KIAA1191: variants seen among roughly 807,000 people sequenced by gnomAD.
KIAA1191 encodes KIAA1191, also known as putative monooxygenase p33MONOX.
In KIAA1191, 22 loss-of-function variants were observed where a neutral mutation model predicts 31.1. That is an observed-to-expected ratio of 0.71 (90% CI 0.51 to 1.01). The LOEUF (loss-of-function observed/expected upper bound fraction) is 1.01, where lower values mean the gene tolerates loss of function less well. Among genes scored for constraint, KIAA1191 ranks in the 50% least tolerant of loss-of-function variants. The probability of loss-of-function intolerance (pLI) is 0.00; values close to 1 mark genes in which losing one functional copy is unlikely to be tolerated. For missense variants in KIAA1191, 319 were observed against 388.0 expected, an observed-to-expected ratio of 0.82 and a Z score of 1.49; for synonymous variants, 130 against 143.9, an observed-to-expected ratio of 0.90 and a Z score of 0.69.
Position 176,348,254 on chromosome 5 carries a change from G to A in KIAA1191, c.562C>T (p.Pro188Ser), listed in dbSNP as rs1766691687. 3 of 1,613,436 alleles carry A rather than the reference G, an allele frequency of 1.9e-6. No individual in the cohort carries two copies. Among genetic ancestry groups the A allele is most frequent in the African/African-American group, 1.3e-5 (1 of 74,814 alleles). ...TTPHSSPKQR[P>S]RGWFTSGSST... ...AGGGTCACAGGAAGGGCTCACCTGG[G>A]CCTCTGCTTAGGTGAAGAGTGCGGA... The change falls in exon 7 of 9, where the codon CCC becomes TCC. Residue 188 changes from proline to serine, a missense_variant. Pro to Ser is a moderately conservative substitution (Grantham distance 74). Coordinates refer to ENST00000298569, the MANE Select transcript of KIAA1191 (RefSeq NM_020444.5).
At chr5:176,360,300 G>A (rs1767886081) in intron 1 of KIAA1191, among the ~76,000 whole-genome samples, 1 of 151,800 alleles carries the variant, frequency 6.6e-6, no homozygotes. Flanking sequence ...GGGACTACAG[G>A]CGTCTGCCAC....
Position 176,350,675 on chromosome 5 carries a change from T to C in KIAA1191, c.397A>G (p.Thr133Ala). Residue 133 changes from threonine to alanine, a missense_variant, in exon 6 of 9, where the codon ACA becomes GCA. By Grantham distance (58) the Thr-to-Ala change is moderately conservative (BLOSUM62 0). Transcript: ENST00000298569. ...RQAGLRDAGY[T>A]PHKGLTTEET... is the part of the protein sequence containing the mutation. ...TCGGTGGTGAGGCCCTTGTGGGGTG[T>C]GTAGCCAGCATCTCTCAGCCCTGCC... 5.6e-6 allele frequency: 9 copies of C among 1,614,094 alleles called. No homozygotes were observed. Among genetic ancestry groups the C allele is most frequent in the Non-Finnish European group, 7.6e-6 (9 of 1,180,016 alleles).
At position 176,352,557 on chromosome 5, in the gene KIAA1191, T is replaced by C. The variant is rs1258998436; in HGVS notation, c.334+65A>G. ...TGTTGCAGTATCATCTCCAATCAGC[T>C]TGTAGGAAGCCTCAACTCTTCCCTG... is the stretch of plus-strand genomic sequence containing the variant. On this transcript the variant is annotated intron_variant, in intron 5 of 8. Coordinates refer to ENST00000298569, the MANE Select transcript of KIAA1191 (RefSeq NM_020444.5). 5.1e-6 allele frequency: 8 copies of C among 1,570,056 alleles called. No individual in the cohort carries two copies. In the Admixed American group the frequency reaches 8.8e-5, roughly 17 times the overall value.
At position 176,355,306 on chromosome 5, in the gene KIAA1191, G is replaced by A. The variant is rs1201459470; in HGVS notation, c.207+265C>T. Among the ~76,000 whole-genome samples, 3 of 151,782 alleles carry A rather than the reference G, an allele frequency of 2.0e-5. No homozygotes were observed. The East Asian group carries it at 5.8e-4, about 29-fold the overall frequency. ...ACTGTACACTATTCGGGTGACGGGTGCACTAAAAGCCCAGACTTCACCACT... is the reference window on the plus strand; with the variant it reads ...ACTGTACACTATTCGGGTGACGGGTACACTAAAAGCCCAGACTTCACCACT... On this transcript the variant is annotated intron_variant, in intron 4 of 8. Transcript: ENST00000298569. This position sits in a 1 kb window ranked among gnomAD's most constrained non-coding sequence, Gnocchi z 4.2.
intron 5 of KIAA1191, 145 bp from the exon 6 acceptor site, chr5:176,350,882 C>A: frequency 1.0e-6 from 1 of 980,812 alleles, no homozygotes; most frequent in Non-Finnish European, 1.5e-6. Flanking sequence ...CAGAGAGGCA[C>A]CACAGCAGTA....
chr5:176,349,557 T>C (rs952177644), intron 6 of KIAA1191, among the ~76,000 whole-genome samples: 2 of 152,066 alleles, frequency 1.3e-5, no homozygotes, highest in African/African-American at 4.8e-5. Context: ...CTGTAAATCC[T>C]AGCTATTTGG....
At chr5:176,359,373 G>A in intron 3 of KIAA1191, 108 bp downstream of exon 3, 1 of 970,768 alleles carries the variant, frequency 1.0e-6, no homozygotes, top group Admixed American at 2.0e-5. Context: ...ATACTCGCTT[G>A]GTAGCAGAGA....
chr5:176,360,450 C>T (rs1767900728), intron 1 of KIAA1191, among the ~76,000 whole-genome samples: 2 of 151,916 alleles, frequency 1.3e-5, no homozygotes, highest in Non-Finnish European at 2.9e-5. Flanking sequence ...GCCACCGCGC[C>T]CGACCCCAGT....
At chr5:176,357,435 C>G (rs993339985) in intron 3 of KIAA1191, among the ~76,000 whole-genome samples, 10 of 152,160 alleles carry the variant, frequency 6.6e-5, no homozygotes, top group Non-Finnish European at 1.3e-4. Flanking sequence ...CATTACATCT[C>G]AAACACACAC....
chr5:176,360,501 T>G (rs1767905780), intron 1 of KIAA1191, among the ~76,000 whole-genome samples: 1 of 151,482 alleles, frequency 6.6e-6, no homozygotes, highest in Admixed American at 6.6e-5. Context: ...CTATCCCAAA[T>G]TTAAAGAGAA....
chr5:176,356,029 A>C (rs1052813034), intron 3 of KIAA1191: 4 of 363,822 alleles, frequency 1.1e-5, no homozygotes, highest in East Asian at 7.1e-5. Flanking sequence ...GCTGGAGTGC[A>C]GCGGCACGAT....
chr5:176,355,661 G>C lies in KIAA1191; in HGVS notation c.117C>G (p.Asp39Glu). The C allele has an allele frequency of 6.2e-7, 1 of 1,613,242 alleles. No homozygotes were observed. The change falls in exon 4 of 9, where the codon GAC becomes GAG. Residue 39 changes from aspartate (D) to glutamate (E), a missense_variant. Asp to Glu is a conservative substitution (Grantham distance 45). Transcript: ENST00000298569. This position sits in a 1 kb window ranked among gnomAD's most constrained non-coding sequence, Gnocchi z 4.2. The part of the protein sequence containing the change: ...RAVSYDDTLE[D>E]PAPMTPPPSD... The stretch of plus-strand genomic sequence containing the variant: ...ATGGAGGAGGAGTCATGGGCGCAGG[G>C]TCCTCGAGGGTATCATCATAGCTGA...
rs1766518655 is a variant in KIAA1191, at chr5:176,346,543, CTTAATT to C, written c.*1051_*1056del. ...CATTTACCTATACCAAATCAGTAGA[CTTAATT>C]TTCTCTCTTAGGAAGTTTTTAACCA... On this transcript the variant is annotated 3_prime_UTR_variant, in exon 9 of 9. Transcript: ENST00000298569. 1 of 152,250 alleles carries C rather than the reference CTTAATT, an allele frequency of 6.6e-6. No individual in the cohort carries two copies. The highest frequency in any genetic ancestry group is 1.5e-5 in the Non-Finnish European group (1 of 68,042). 9.4% of individuals were successfully genotyped at this position (152,250 alleles called of 1,614,324 possible).
At chr5:176,354,730 G>A (rs1239740053) in intron 4 of KIAA1191, among the ~76,000 whole-genome samples, 1 of 152,124 alleles carries the variant, frequency 6.6e-6, no homozygotes, top group African/African-American at 2.4e-5. Flanking sequence ...ATCTATGCCA[G>A]GCCATCGGCT....
intron 1 of KIAA1191, among the ~76,000 whole-genome samples, chr5:176,360,522 C>T (rs1041689689): frequency 3.6e-4 from 52 of 146,144 alleles, no homozygotes; most frequent in African/African-American, 1.2e-3. Context: ...GGAAACTGGC[C>T]GGGTGCGGTG....
intron 4 of KIAA1191, among the ~76,000 whole-genome samples, chr5:176,353,786 A>G (rs1304690701): frequency 6.6e-6 from 1 of 152,228 alleles, no homozygotes; most frequent in Non-Finnish European, 1.5e-5. Flanking sequence ...TTGTGGAGCC[A>G]TCAGCAGGGT....
In KIAA1191 at chr5:176,355,994, TAG is replaced by T; in HGVS notation, c.29-247_29-246del. 2.2e-6 allele frequency: 1 copy of T among 452,518 alleles called. No homozygotes were observed. The highest frequency in any genetic ancestry group is 4.0e-6 in the Non-Finnish European group (1 of 249,170). The allele number at this position is 452,518 out of a possible 1,614,324, so 28.0% of individuals were successfully genotyped here. ...TAATCCTTTTTTTTTATTATTTGTT[TAG>T]AGACACAGTCTATGTTGCCCAGGCT... is the stretch of plus-strand genomic sequence containing the variant. On this transcript the variant is annotated intron_variant, in intron 3 of 8. Coordinates refer to ENST00000298569, the MANE Select transcript of KIAA1191 (RefSeq NM_020444.5). This position sits in a 1 kb window ranked among gnomAD's most constrained non-coding sequence, Gnocchi z 4.2.
chr5:176,359,188 G>A (rs1219928740), intron 3 of KIAA1191, among the ~76,000 whole-genome samples: 3 of 151,460 alleles, frequency 2.0e-5, no homozygotes, highest in Non-Finnish European at 2.9e-5. Context: ...GTGTGGTGGC[G>A]GGCACCTGTA....
rs1230212155 is a variant in KIAA1191 at position 176,348,272 on chromosome 5, A to G, written c.544T>C (p.Ser182Pro). ...AQSTPSTTPH[S>P]SPKQRPRGWF... ...CACCTGGGCCTCTGCTTAGGTGAAG[A>G]GTGCGGAGTGGTGCTTGGGGTGGAC... The change falls in exon 7 of 9, where the codon TCT (serine) becomes CCT (proline). Residue 182 changes from serine (S) to proline (P), a missense_variant. Transcript: ENST00000298569. 1 of 1,613,626 alleles carries G rather than the reference A, an allele frequency of 6.2e-7. No homozygotes were observed. The highest frequency in any genetic ancestry group is 1.3e-5 in the African/African-American group (1 of 74,766).
Sources: allele counts gnomAD v4.1 joint callset (sites outside exome capture counted in the v4.1 genomes callset), GRCh38; gene constraint gnomAD v4.1.1; non-coding constraint Gnocchi (gnomAD v3.1); transcripts MANE v1.5; gene names NCBI Gene and HGNC (gene_info 2026-07-23, HGNC 2026-07-21).